The following FKBP3 variants were observed in gnomAD, a reference collection of about 807,000 sequenced individuals.
The protein encoded by FKBP3 is peptidyl-prolyl cis-trans isomerase FKBP3.
A neutral mutation model predicts 30.6 loss-of-function variants in FKBP3; 21 were observed. The observed-to-expected ratio is 0.69, with a 90% CI of 0.49 to 0.99. FKBP3 has a LOEUF of 0.99. Ranked by LOEUF, FKBP3 falls within the 50% of genes least tolerant of loss-of-function variation. The pLI is 0.00. For synonymous variants in FKBP3, 82 were observed against 91.3 expected (o/e 0.90, Z 0.58); for missense variants, 283 against 261.6 (o/e 1.08, Z -0.56).
intron 1 of FKBP3, among the ~76,000 whole-genome samples, chr14:45,131,694 A>C (rs190104148): frequency 4.0e-4 from 61 of 151,890 alleles, no homozygotes; most frequent in African/African-American, 1.5e-3. Context: ...AAGCTTGTCT[A>C]AAGACTCAGC....
chr14:45,117,053 C>G (rs555517521), intron 6 of FKBP3, among the ~76,000 whole-genome samples: 1 of 151,714 alleles, frequency 6.6e-6, no homozygotes, highest in South Asian at 2.1e-4. Flanking sequence ...CTCACTGCAA[C>G]GTCTGCTTCC....
intron 3 of FKBP3, among the ~76,000 whole-genome samples, chr14:45,126,405 T>C (rs1456695224): frequency 2.0e-5 from 3 of 151,914 alleles, no homozygotes; most frequent in Non-Finnish European, 4.4e-5. Context: ...GGAGAACTGC[T>C]TGAACCCGGG....
intron 3 of FKBP3, among the ~76,000 whole-genome samples, chr14:45,127,857 G>A (rs1885134312): frequency 6.6e-6 from 1 of 152,120 alleles, no homozygotes; most frequent in South Asian, 2.1e-4. Context: ...GCCTTGCTTC[G>A]AATGCTTGAA....
chr14:45,128,396 C>T (rs1885145649), intron 3 of FKBP3, among the ~76,000 whole-genome samples: 1 of 152,078 alleles, frequency 6.6e-6, no homozygotes, highest in African/African-American at 2.4e-5. Context: ...GAGAAAATGT[C>T]AAATACTTTA....
chr14:45,133,170 T>A (rs911760602), intron 1 of FKBP3, among the ~76,000 whole-genome samples: 2 of 152,150 alleles, frequency 1.3e-5, no homozygotes, highest in African/African-American at 2.4e-5. Context: ...AAATAAAATA[T>A]AAGCTTCTCA....
At chr14:45,129,604 G>A (rs1366611094) in intron 3 of FKBP3, among the ~76,000 whole-genome samples, 190 bp downstream of exon 3, 1 of 152,142 alleles carries the variant, frequency 6.6e-6, no homozygotes, top group Non-Finnish European at 1.5e-5. Flanking sequence ...TAACTGTAAA[G>A]CACTAGTTCT....
At chr14:45,122,417 A>C (rs1032289433) in intron 3 of FKBP3, among the ~76,000 whole-genome samples, 1 of 152,222 alleles carries the variant, frequency 6.6e-6, no homozygotes, top group Non-Finnish European at 1.5e-5. Context: ...ATAAATAACA[A>C]AGGTGTGCTT....
intron 3 of FKBP3, among the ~76,000 whole-genome samples, chr14:45,125,606 A>G (rs760858796): frequency 1.3e-5 from 2 of 152,224 alleles, no homozygotes; most frequent in Non-Finnish European, 2.9e-5. Flanking sequence ...TATATTGACA[A>G]TGACTGATTT....
At chr14:45,123,123 G>A (rs1232914993) in intron 3 of FKBP3, among the ~76,000 whole-genome samples, 1 of 151,466 alleles carries the variant, frequency 6.6e-6, no homozygotes, top group Non-Finnish European at 1.5e-5. Context: ...AATCCAGGAG[G>A]CGGAGGTTGC....
At chr14:45,130,639 C>T in intron 2 of FKBP3, 60 bp downstream of exon 2, 1 of 1,048,504 alleles carries the variant, frequency 9.5e-7, no homozygotes, top group East Asian at 2.5e-5. Context: ...TTTTAAACAT[C>T]TTTTTTGGAA....
At chr14:45,133,809 T>A (rs1885283851) in intron 1 of FKBP3, among the ~76,000 whole-genome samples, 1 of 152,166 alleles carries the variant, frequency 6.6e-6, no homozygotes, top group Non-Finnish European at 1.5e-5. Context: ...AGTATAAAGG[T>A]GAAAAGGTCA....
intron 3 of FKBP3, among the ~76,000 whole-genome samples, chr14:45,123,502 G>A (rs942677535): frequency 2.0e-5 from 3 of 148,430 alleles, no homozygotes; most frequent in African/African-American, 5.0e-5. Flanking sequence ...TTTGATAAGC[G>A]CCAGTTGGCA....
At position 45,118,091 on chromosome 14, in the gene FKBP3, T is replaced by C; in HGVS notation, c.557A>G (p.Glu186Gly). ...DEALLTMSKGEKARLEIEPEW... is the reference protein window; with the variant it reads ...DEALLTMSKGGKARLEIEPEW... ...TGGTTCAATCTCCAGTCGAGCCTTT[T>C]CTCCTTTACTCATAGTCAAGAGAGC... is the stretch of plus-strand genomic sequence containing the variant. Residue 186 changes from glutamate (E) to glycine (G), a missense_variant, in exon 6 of 7, where the codon GAA becomes GGA. By Grantham distance (98) the Glu-to-Gly change is moderately conservative. Coordinates refer to ENST00000396062, the MANE Select transcript of FKBP3 (RefSeq NM_002013.4). 2.5e-6 allele frequency: 4 copies of C among 1,607,564 alleles called. No individual in the cohort carries two copies. Among genetic ancestry groups the C allele is most frequent in the Non-Finnish European group, 3.4e-6 (4 of 1,178,086 alleles).
chr14:45,133,114 T>C (rs1885259651), intron 1 of FKBP3, among the ~76,000 whole-genome samples: 1 of 152,194 alleles, frequency 6.6e-6, no homozygotes. Context: ...GCACTGGAAG[T>C]TGGAGAGTTC....
intron 1 of FKBP3, among the ~76,000 whole-genome samples, chr14:45,132,255 T>G (rs987085360): frequency 6.6e-6 from 1 of 152,210 alleles, no homozygotes; most frequent in Non-Finnish European, 1.5e-5. Flanking sequence ...AAGTAATCAG[T>G]TACCTTTAGC....
chr14:45,121,157 C>T (rs1262139193), intron 4 of FKBP3, among the ~76,000 whole-genome samples: 2 of 152,124 alleles, frequency 1.3e-5, no homozygotes, highest in Non-Finnish European at 2.9e-5. Flanking sequence ...ACATTCTTAA[C>T]AAAGGGTAGA....
chr14:45,118,710 A>G (rs940959412), intron 5 of FKBP3, among the ~76,000 whole-genome samples: 1 of 152,230 alleles, frequency 6.6e-6, no homozygotes, highest in African/African-American at 2.4e-5. Flanking sequence ...GTTAGTTATT[A>G]GCACCATCAT....
rs1487897466 is a variant in FKBP3, at chr14:45,118,021, A to T, written c.620+7T>A. On this transcript the variant is annotated splice_region_variant and intron_variant, in intron 6 of 6. Transcript: ENST00000396062. The stretch of plus-strand genomic sequence containing the variant: ...CAACTTTAATTATGAAGGGGAAAAA[A>T]GGATACTTGGCATCAGGCTGTCCTT... 4 of 1,574,830 alleles carry T rather than the reference A, an allele frequency of 2.5e-6. No homozygotes were observed. The South Asian group carries it at 3.5e-5, about 14-fold the overall frequency.
Position 45,118,078 on chromosome 14 carries a change from C to T in FKBP3, c.570G>A (p.Leu190=). ...LTMSKGEKAR[L]EIEPEWAYGK... ...CGTAAGCCCATTCTGGTTCAATCTC[C>T]AGTCGAGCCTTTTCTCCTTTACTCA... The change falls in exon 6 of 7, where the codon CTG becomes CTA. Residue 190 remains leucine, a synonymous_variant. Coordinates refer to ENST00000396062, the MANE Select transcript of FKBP3 (RefSeq NM_002013.4). 2 of 1,608,924 alleles carry T rather than the reference C, an allele frequency of 1.2e-6. No individual in the cohort carries two copies. The highest frequency in any genetic ancestry group is 1.7e-6 in the Non-Finnish European group (2 of 1,178,438).
Sources: allele counts gnomAD v4.1 joint callset (sites outside exome capture counted in the v4.1 genomes callset), GRCh38; gene constraint gnomAD v4.1.1; transcripts MANE v1.5; gene names NCBI Gene and HGNC (gene_info 2026-07-23, HGNC 2026-07-21).